MGAT4C: variants seen among roughly 807,000 people sequenced by gnomAD.
MGAT4C encodes alpha-1,3-mannosyl-glycoprotein 4-beta-N-acetylglucosaminyltransferase C.
A neutral mutation model predicts 40.1 loss-of-function variants in MGAT4C; 19 were observed. The observed-to-expected ratio is 0.47, with a 90% CI of 0.33 to 0.70. MGAT4C has a LOEUF of 0.70. MGAT4C is among the 30% of genes least tolerant of loss of function. The probability of loss-of-function intolerance (pLI) is 0.02; values close to 1 mark genes in which losing one functional copy is unlikely to be tolerated. For synonymous variants in MGAT4C, 181 were observed against 187.1 expected, an observed-to-expected ratio of 0.97 and a Z score of 0.27; for missense variants, 491 against 563.2, an observed-to-expected ratio of 0.87 and a Z score of 1.30.
At chr12:86,006,408 T>A (rs752152035) in intron 2 of MGAT4C, among the ~76,000 whole-genome samples, 1 of 152,164 alleles carries the variant, frequency 6.6e-6, no homozygotes, top group Non-Finnish European at 1.5e-5. Context: ...CCAGCAAATA[T>A]ATTATACTAC....
intron 1 of MGAT4C, among the ~76,000 whole-genome samples, chr12:86,076,389 T>C (rs774265489): frequency 3.3e-5 from 5 of 152,196 alleles, no homozygotes; most frequent in African/African-American, 4.8e-5. Flanking sequence ...TTTTTTCTTC[T>C]GAGCTCTCCA....
intron 2 of MGAT4C, among the ~76,000 whole-genome samples, chr12:86,032,333 C>T (rs995800690): frequency 6.9e-5 from 9 of 131,382 alleles, no homozygotes; most frequent in Non-Finnish European, 1.5e-4. Flanking sequence ...TTTGAGAAAT[C>T]GCAACACTGC....
At chr12:86,369,341 T>C (rs76459106) in intron 3 of MGAT4C, among the ~76,000 whole-genome samples, 4,089 of 152,086 alleles carry the variant, frequency 0.027, 152 homozygotes, top group African/African-American at 0.086. Flanking sequence ...TTATGGTAAT[T>C]ATGGAACTGT....
At chr12:86,656,311 T>A (rs1963849418) in intron 2 of MGAT4C, among the ~76,000 whole-genome samples, 1 of 151,958 alleles carries the variant, frequency 6.6e-6, no homozygotes, top group Admixed American at 6.6e-5. Context: ...ATGAGTATAT[T>A]TAACAATAAA....
At chr12:86,758,405 A>G (rs1951344597) in intron 1 of MGAT4C, among the ~76,000 whole-genome samples, 1 of 151,438 alleles carries the variant, frequency 6.6e-6, no homozygotes, top group East Asian at 1.9e-4. Flanking sequence ...AAAAGAAACT[A>G]ACATTAATTA....
In MGAT4C at chr12:85,983,647, C is replaced by T; in HGVS notation, c.171G>A (p.Arg57=). 6.3e-7 allele frequency: 1 copy of T among 1,581,566 alleles called. No individual in the cohort carries two copies. The highest frequency in any genetic ancestry group is 2.3e-5 in the East Asian group (1 of 43,334). Residue 57 remains arginine, a synonymous_variant, in exon 4 of 5, where the codon AGG becomes AGA. Transcript: ENST00000611864. ...AATTCAGTTGATGTGTGGATGTTTC[C>T]CTTATAAGTTGTTTGTCTCCTTCCT... The part of the protein sequence containing the change: ...YVLEGDKQLI[R]ETSTHQLNSE...
chr12:86,532,303 A>T (rs932333827), intron 2 of MGAT4C, among the ~76,000 whole-genome samples: 10 of 151,984 alleles, frequency 6.6e-5, no homozygotes, highest in Non-Finnish European at 1.3e-4. Flanking sequence ...TTGATAGGTA[A>T]CTCAAAATTA....
intron 1 of MGAT4C, among the ~76,000 whole-genome samples, chr12:86,111,842 C>A (rs1877467982): frequency 1.3e-5 from 2 of 151,818 alleles, no homozygotes; most frequent in Admixed American, 1.3e-4. Context: ...AAATGGAATG[C>A]AAAATATCTT....
Position 85,979,987 on chromosome 12 carries a change from T to C in MGAT4C, c.739A>G (p.Thr247Ala), listed in dbSNP as rs897303861. ...GAGAATTCAAGAGTTACCCAGTAAG[T>C]TCCTTCTAGGGATGCAATGACTTTC... The part of the protein sequence containing the change: ...IKKVIASLEG[T>A]YWVTLEFSKL... Residue 247 changes from threonine (T) to alanine (A), a missense_variant, in exon 5 of 5, where the codon ACT becomes GCT. Coordinates refer to ENST00000611864, the MANE Select transcript of MGAT4C (RefSeq NM_001351288.2). 1.2e-6 allele frequency: 2 copies of C among 1,613,546 alleles called. No homozygotes were observed. The highest frequency in any genetic ancestry group is 2.7e-5 in the African/African-American group (2 of 74,924).
chr12:86,698,209 A>G (rs75352075), intron 2 of MGAT4C, among the ~76,000 whole-genome samples: 4,747 of 152,248 alleles, frequency 0.031, 120 homozygotes, highest in African/African-American at 0.074. Flanking sequence ...AGAAAATGAA[A>G]AAAAAACTCA....
chr12:86,569,296 A>C (rs955282478), intron 2 of MGAT4C, among the ~76,000 whole-genome samples: 3 of 152,114 alleles, frequency 2.0e-5, no homozygotes, highest in Non-Finnish European at 4.4e-5. Context: ...CTGACAAAGA[A>C]CTAATATCCA....
rs796428851 is a variant in MGAT4C, at chr12:86,606,745, TA to T, written c.-229+120463del. On this transcript the variant is annotated intron_variant, in intron 2 of 7. Transcript: ENST00000548651. ...GCAAACAACTACCAAGATTGCTGGATAAAAAAAAAGGCTGCATTATTACAGG... is the reference window on the plus strand; with the variant it reads ...GCAAACAACTACCAAGATTGCTGGATAAAAAAAAGGCTGCATTATTACAGG... Among the ~76,000 whole-genome samples, 466 of 151,212 alleles carry T rather than the reference TA, an allele frequency of 3.1e-3. 2 individuals carry two copies. Among genetic ancestry groups the T allele is most frequent in the African/African-American group, 0.011 (438 of 41,240 alleles).
chr12:86,215,022 G>A (rs1000752288), intron 1 of MGAT4C, among the ~76,000 whole-genome samples: 1 of 151,866 alleles, frequency 6.6e-6, no homozygotes, highest in East Asian at 1.9e-4. Flanking sequence ...GGGTCTTCTT[G>A]ACTTATCTCT....
chr12:86,487,214 A>G (rs1053089455), intron 2 of MGAT4C, among the ~76,000 whole-genome samples: 1 of 152,196 alleles, frequency 6.6e-6, no homozygotes, highest in Non-Finnish European at 1.5e-5. Context: ...ATCTATTAAT[A>G]CAAGAGCCAG....
intron 2 of MGAT4C, among the ~76,000 whole-genome samples, chr12:86,491,630 T>C (rs1958137410): frequency 6.6e-6 from 1 of 151,984 alleles, no homozygotes; most frequent in Non-Finnish European, 1.5e-5. Flanking sequence ...AAATTAGGTA[T>C]TGATGGGATG....
intron 2 of MGAT4C, among the ~76,000 whole-genome samples, chr12:86,695,222 C>G (rs1266448344): frequency 6.6e-6 from 1 of 152,164 alleles, no homozygotes; most frequent in African/African-American, 2.4e-5. Context: ...AGTAAGTTAT[C>G]ATCTCATCCC....
intron 2 of MGAT4C, among the ~76,000 whole-genome samples, chr12:86,435,852 T>C (rs538861849): frequency 6.6e-6 from 1 of 152,004 alleles, no homozygotes; most frequent in South Asian, 2.1e-4. Context: ...TTAAATTTTA[T>C]GGGAGCAATG....
chr12:86,223,797 C>T (rs901567418), intron 1 of MGAT4C, among the ~76,000 whole-genome samples: 2 of 152,170 alleles, frequency 1.3e-5, no homozygotes, highest in African/African-American at 4.8e-5. Context: ...GTCCGGCAAA[C>T]CCAACTTGCC....
chr12:86,004,288 A>C (rs1414589177), intron 2 of MGAT4C, among the ~76,000 whole-genome samples: 1 of 152,124 alleles, frequency 6.6e-6, no homozygotes, highest in African/African-American at 2.4e-5. Flanking sequence ...AAATCATATA[A>C]ATTTCCTAGA....
Sources: gnomAD v4.1 joint callset for allele counts (sites outside exome capture counted in the v4.1 genomes callset) on GRCh38, gnomAD v4.1.1 for gene constraint, MANE v1.5 for transcripts, NCBI Gene and HGNC (gene_info 2026-07-23, HGNC 2026-07-21) for gene names.